CEP57L1: variants seen among roughly 807,000 people sequenced by gnomAD.
CEP57L1 encodes the protein centrosomal protein 57 like 1.
CEP57L1 carries 37 observed loss-of-function variants against 61.0 expected under a neutral mutation model. That is an observed-to-expected ratio of 0.61 (90% CI 0.47 to 0.80). The LOEUF is 0.80. Ranked by LOEUF, CEP57L1 falls within the 30% of genes least tolerant of loss-of-function variation. The pLI, the probability that CEP57L1 is intolerant of heterozygous loss-of-function variation, is 0.00. For missense variants in CEP57L1, 422 were observed against 524.7 expected (o/e 0.80, Z 1.91); for synonymous variants, 137 against 162.3 (o/e 0.84, Z 1.19).
chr6:109,105,545 C>T (rs1299431164), intron 1 of CEP57L1, among the ~76,000 whole-genome samples: 1 of 152,156 alleles, frequency 6.6e-6, no homozygotes, highest in African/African-American at 2.4e-5. Context: ...TGTCTCACCT[C>T]AGGCCTATAC....
Position 109,171,259 on chromosome 6 carries a change from A to G in CEP57L1, c.*8289A>G, listed in dbSNP as rs1774390711. Among the ~76,000 whole-genome samples the G allele has an allele frequency of 8.4e-6, 1 of 119,162 alleles. No individual in the cohort carries two copies. The allele number at this position is 119,162 out of a possible 152,430, so 78.2% of individuals were successfully genotyped here. A position where few individuals can be genotyped will look rare whatever the true frequency, so the allele number is the denominator to read the frequency against. Reference sequence around the variant, plus strand: ...AGAGTTTGATTTTTTTTTTTTTGAGACGGAGTTTCGCTCTTGTTGCCCAAG... The same window carrying G: ...AGAGTTTGATTTTTTTTTTTTTGAGGCGGAGTTTCGCTCTTGTTGCCCAAG... On this transcript the variant is annotated 3_prime_UTR_variant, in exon 11 of 11. Transcript: ENST00000517392.
In CEP57L1 at chr6:109,118,903, T is replaced by C. The variant is rs148832252; in HGVS notation, c.-4+23328T>C. 5.8e-3 allele frequency among the ~76,000 whole-genome samples: 890 copies of C among 152,296 alleles called. 13 individuals are homozygous for C. The highest frequency in any genetic ancestry group is 0.02 in the African/African-American group (849 of 41,556). ...TAGGTGCTGAGATTGCAAAGATGAA[T>C]AAGACTTTGATGAATGAGGCGTGCA... On this transcript the variant is annotated intron_variant, in intron 1 of 10. Coordinates refer to ENST00000517392, the MANE Select transcript of CEP57L1 (RefSeq NM_001271852.3).
intron 3 of CEP57L1, among the ~76,000 whole-genome samples, chr6:109,148,995 G>T (rs1209838840): frequency 6.6e-6 from 1 of 152,144 alleles, no homozygotes; most frequent in Non-Finnish European, 1.5e-5. Flanking sequence ...ATTTGTTTGA[G>T]TTCATTGTAG....
chr6:109,166,680 G>T lies in CEP57L1; in HGVS notation c.*3710G>T, dbSNP rs755283416. On this transcript the variant is annotated 3_prime_UTR_variant, in exon 11 of 11. Transcript: ENST00000517392. Reference sequence around the variant, plus strand: ...TTACAGGCATGAGCCACTGCGCCCAGCCTAAATGTGTATTCTTATCCATGA... The same window carrying T: ...TTACAGGCATGAGCCACTGCGCCCATCCTAAATGTGTATTCTTATCCATGA... Among the ~76,000 whole-genome samples, 1 of 152,116 alleles carries T rather than the reference G, an allele frequency of 6.6e-6. No individual in the cohort carries two copies. The highest frequency in any genetic ancestry group is 1.5e-5 in the Non-Finnish European group (1 of 68,028).
chr6:109,101,623 CTTT>C (rs1175348573), intron 1 of CEP57L1, among the ~76,000 whole-genome samples: 3 of 139,912 alleles, frequency 2.1e-5, no homozygotes, highest in Admixed American at 7.1e-5. Context: ...TTTCTTTTTT[CTTT>C]TTTTTTTTTT....
rs1774022664 is a variant in CEP57L1, at chr6:109,165,254, G to T, written c.*2284G>T. On this transcript the variant is annotated 3_prime_UTR_variant, in exon 11 of 11. Transcript: ENST00000517392. ...TGGACAAGTCAGATAACTTTCTGGA[G>T]CCTCAGTTTCTCATCTGTAAAGTGA... 6.6e-6 allele frequency among the ~76,000 whole-genome samples: 1 copy of T among 151,966 alleles called. No individual in the cohort carries two copies. The highest frequency in any genetic ancestry group is 2.4e-5 in the African/African-American group (1 of 41,356).
intron 1 of CEP57L1, among the ~76,000 whole-genome samples, chr6:109,136,349 G>A (rs1454237036): frequency 6.6e-6 from 1 of 152,136 alleles, no homozygotes; most frequent in Non-Finnish European, 1.5e-5. Context: ...CTCACTCATA[G>A]GTGGGAATTG....
intron 9 of CEP57L1, 134 bp from the exon 10 acceptor site, chr6:109,160,438 G>A (rs1773613595): frequency 3.2e-6 from 2 of 627,856 alleles, no homozygotes; most frequent in Admixed American, 3.6e-5. Context: ...TAACCCTAAA[G>A]AAAGAGGCTG....
chr6:109,127,106 C>T (rs902703503), intron 1 of CEP57L1, among the ~76,000 whole-genome samples: 2 of 152,140 alleles, frequency 1.3e-5, no homozygotes, highest in African/African-American at 4.8e-5. Flanking sequence ...ATGGAGGTTG[C>T]AGTGAGCCGA....
intron 7 of CEP57L1, chr6:109,157,478 TGTG>T: frequency 6.6e-6 from 1 of 152,230 alleles, no homozygotes; most frequent in Non-Finnish European, 1.5e-5. Flanking sequence ...AACAAAGTGT[TGTG>T]GTGCTGTGTA....
At chr6:109,109,806 T>TG (rs1479595047) in intron 1 of CEP57L1, among the ~76,000 whole-genome samples, 1 of 152,204 alleles carries the variant, frequency 6.6e-6, no homozygotes, top group African/African-American at 2.4e-5. Context: ...TTTCTGTTCT[T>TG]GCGTTAGTTT....
In CEP57L1 at chr6:109,173,530, T is replaced by C. The variant is rs905814506; in HGVS notation, c.*10560T>C. ...ACCTCAAACTCTTGGGCTTAAGCAG[T>C]CCTCCTGCCTCTGCCTCCCAAGTAG... On this transcript the variant is annotated 3_prime_UTR_variant, in exon 11 of 11. Transcript: ENST00000517392. Among the ~76,000 whole-genome samples, 5 of 148,728 alleles carry C rather than the reference T, an allele frequency of 3.4e-5. No homozygotes were observed. The highest frequency in any genetic ancestry group is 2.7e-4 in the Admixed American group (4 of 14,834).
chr6:109,116,118 TTA>T (rs1562511869), intron 1 of CEP57L1, among the ~76,000 whole-genome samples: 166 of 147,216 alleles, frequency 1.1e-3, no homozygotes, highest in African/African-American at 4.0e-3. Context: ...TTATTTTATG[TTA>T]TGTGTTGTGT....
At position 109,168,900 on chromosome 6, in the gene CEP57L1, T is replaced by C. The variant is rs994211000; in HGVS notation, c.*5930T>C. Among the ~76,000 whole-genome samples, 2 of 149,294 alleles carry C rather than the reference T, an allele frequency of 1.3e-5. No individual in the cohort carries two copies. The highest frequency in any genetic ancestry group is 4.3e-4 in the South Asian group (2 of 4,688). ...CGTGAGCCACCATGCCTGGCCAGCATTTTTTAAATGATATAAAATAGTATT... is the reference window on the plus strand; with the variant it reads ...CGTGAGCCACCATGCCTGGCCAGCACTTTTTAAATGATATAAAATAGTATT... On this transcript the variant is annotated 3_prime_UTR_variant, in exon 11 of 11. Coordinates refer to ENST00000517392, the MANE Select transcript of CEP57L1 (RefSeq NM_001271852.3).
At chr6:109,104,640 G>A (rs911627099) in intron 1 of CEP57L1, among the ~76,000 whole-genome samples, 2 of 152,064 alleles carry the variant, frequency 1.3e-5, no homozygotes, top group African/African-American at 4.8e-5. Context: ...AGAGTGCAGT[G>A]GCACAATCAC....
chr6:109,159,595 C>T, intron 9 of CEP57L1, 133 bp downstream of exon 9: 1 of 722,896 alleles, frequency 1.4e-6, no homozygotes, highest in Non-Finnish European at 2.3e-6. Context: ...AAGCATGAGC[C>T]ACCGTGCCTG....
At chr6:109,161,351 G>A (rs1023100605) in intron 10 of CEP57L1, among the ~76,000 whole-genome samples, 7 of 152,102 alleles carry the variant, frequency 4.6e-5, no homozygotes, top group African/African-American at 7.2e-5. Flanking sequence ...CAATGACTCC[G>A]TAGGTTGAAC....
chr6:109,153,998 A>C (rs1265774498), intron 5 of CEP57L1, 49 bp downstream of exon 5: 13 of 955,780 alleles, frequency 1.4e-5, no homozygotes, highest in Non-Finnish European at 2.1e-5. Context: ...TTTAGTGTTA[A>C]GCATAATTGG....
chr6:109,172,650 GGTGTCA>G lies in CEP57L1; in HGVS notation c.*9683_*9688del, dbSNP rs1194271476. On this transcript the variant is annotated 3_prime_UTR_variant, in exon 11 of 11. Coordinates refer to ENST00000517392, the MANE Select transcript of CEP57L1 (RefSeq NM_001271852.3). Reference sequence around the variant, plus strand: ...CTTACCTATCATGGCCTCTGGTTAAGGTGTCAGTCTTGCCTCCAAATTTCCTCCTAA... The same window carrying G: ...CTTACCTATCATGGCCTCTGGTTAAGGTCTTGCCTCCAAATTTCCTCCTAA... Among the ~76,000 whole-genome samples the G allele has an allele frequency of 6.6e-6, 1 of 152,158 alleles. No individual in the cohort carries two copies. The highest frequency in any genetic ancestry group is 1.5e-5 in the Non-Finnish European group (1 of 68,032).
Sources: gnomAD v4.1 joint callset for allele counts (sites outside exome capture counted in the v4.1 genomes callset) on GRCh38, gnomAD v4.1.1 for gene constraint, MANE v1.5 for transcripts, NCBI Gene and HGNC (gene_info 2026-07-23, HGNC 2026-07-21) for gene names.